The following ITGB3BP variants were observed in gnomAD, a reference collection of about 807,000 sequenced individuals.
ITGB3BP encodes centromere protein R.
A neutral mutation model predicts 29.1 loss-of-function variants in ITGB3BP; 27 were observed. That is an observed-to-expected ratio of 0.93 (90% CI 0.68 to 1.28). The LOEUF (loss-of-function observed/expected upper bound fraction) is 1.28, where lower values mean the gene tolerates loss of function less well. Among genes scored for constraint, ITGB3BP ranks in the 50% most tolerant of loss-of-function variants. ITGB3BP has a pLI of 0.00. For missense variants in ITGB3BP, 192 were observed against 200.2 expected (o/e 0.96, Z 0.25); for synonymous variants, 61 against 61.4 (o/e 0.99, Z 0.03).
At chr1:63,453,732 A>T (rs1570128845) in intron 7 of ITGB3BP, 186 bp downstream of exon 7, 1 of 467,450 alleles carries the variant, frequency 2.1e-6, no homozygotes, top group East Asian at 3.6e-5. Flanking sequence ...ATCAGATATC[A>T]TCTTCTGCTA....
At chr1:63,528,326 T>G (rs1388565426) in intron 2 of ITGB3BP, among the ~76,000 whole-genome samples, 1 of 152,088 alleles carries the variant, frequency 6.6e-6, no homozygotes, top group East Asian at 1.9e-4. Context: ...GAAATAAGCC[T>G]GGCACAGAAA....
intron 2 of ITGB3BP, among the ~76,000 whole-genome samples, chr1:63,504,788 G>A (rs968483432): frequency 6.6e-6 from 1 of 152,230 alleles, no homozygotes; most frequent in African/African-American, 2.4e-5. Flanking sequence ...TTTGTCGTTG[G>A]TTCTGTTTAT....
At chr1:63,475,645 G>A (rs1478157866) in intron 4 of ITGB3BP, among the ~76,000 whole-genome samples, 1 of 152,126 alleles carries the variant, frequency 6.6e-6, no homozygotes, top group Non-Finnish European at 1.5e-5. Context: ...TATTACTAAA[G>A]ATAAAAATGG....
intron 4 of ITGB3BP, among the ~76,000 whole-genome samples, chr1:63,473,569 A>T (rs537083632): frequency 0.17 from 9,448 of 55,002 alleles, 649 homozygotes; most frequent in Admixed American, 0.21. Context: ...GGGAGGGGGG[A>T]GGGGGGGTCA....
At chr1:63,500,550 ATACT>A (rs1157983706) in intron 2 of ITGB3BP, among the ~76,000 whole-genome samples, 6 of 152,210 alleles carry the variant, frequency 3.9e-5, no homozygotes, top group Non-Finnish European at 7.4e-5. Flanking sequence ...AAAGAATAAA[ATACT>A]TAGGAATAAA....
intron 3 of ITGB3BP, among the ~76,000 whole-genome samples, chr1:63,483,514 C>CT (rs1645475315): frequency 1.3e-5 from 2 of 151,840 alleles, no homozygotes; most frequent in African/African-American, 4.8e-5. Context: ...TGAGAACCAG[C>CT]TTTTGATTTG....
At chr1:63,491,067 G>C (rs919877699) in intron 2 of ITGB3BP, among the ~76,000 whole-genome samples, 5 of 152,140 alleles carry the variant, frequency 3.3e-5, no homozygotes, top group Non-Finnish European at 7.4e-5. Flanking sequence ...TTGGGCCTCA[G>C]ATCATTTTGT....
At chr1:63,516,724 A>G (rs548880871) in intron 1 of ITGB3BP, among the ~76,000 whole-genome samples, 29 of 151,456 alleles carry the variant, frequency 1.9e-4, no homozygotes, top group African/African-American at 6.3e-4. Flanking sequence ...AAAAAAAAAA[A>G]AAAGAAAAAA....
intron 4 of ITGB3BP, among the ~76,000 whole-genome samples, chr1:63,469,002 G>A (rs1326320090): frequency 6.6e-6 from 1 of 151,378 alleles, no homozygotes; most frequent in East Asian, 1.9e-4. Context: ...AGTGAACCAA[G>A]ATTGTGCCAG....
chr1:63,467,778 C>T (rs910538689), intron 4 of ITGB3BP, among the ~76,000 whole-genome samples: 4 of 152,148 alleles, frequency 2.6e-5, no homozygotes, highest in Admixed American at 6.5e-5. Flanking sequence ...TGTTGTTAAG[C>T]AATCTATAAT....
chr1:63,506,703 T>C (rs771951826), intron 2 of ITGB3BP, among the ~76,000 whole-genome samples: 1 of 152,120 alleles, frequency 6.6e-6, no homozygotes, highest in Non-Finnish European at 1.5e-5. Context: ...GATATGGCCA[T>C]TGCTTAGGAT....
chr1:63,466,691 T>C (rs9436677), intron 4 of ITGB3BP, among the ~76,000 whole-genome samples: 51,443 of 152,114 alleles, frequency 0.34, 8,909 homozygotes, highest in East Asian at 0.48. Context: ...CCATCACTTA[T>C]AGTCTTCAAA....
At chr1:63,473,892 C>T (rs1437685947) in intron 4 of ITGB3BP, among the ~76,000 whole-genome samples, 3 of 31,410 alleles carry the variant, frequency 9.6e-5, no homozygotes, top group African/African-American at 3.7e-4. Context: ...CCCCTCTGCC[C>T]GGCCAGCCAC....
chr1:63,444,971 AAC>A (rs1313261789), intron 8 of ITGB3BP, among the ~76,000 whole-genome samples: 1 of 152,188 alleles, frequency 6.6e-6, no homozygotes, highest in African/African-American at 2.4e-5. Flanking sequence ...AAGTGTTTAT[AAC>A]ACTGCTGGCA....
chr1:63,492,615 G>C (rs1319165658), intron 2 of ITGB3BP, among the ~76,000 whole-genome samples: 1 of 152,104 alleles, frequency 6.6e-6, no homozygotes, highest in East Asian at 1.9e-4. Context: ...AGAATACTGG[G>C]ATTTGAGAGA....
intron 1 of ITGB3BP, among the ~76,000 whole-genome samples, chr1:63,516,297 A>G (rs1444225884): frequency 2.2e-4 from 1 of 4,518 alleles, no homozygotes; most frequent in East Asian, 6.5e-3. Flanking sequence ...ACCATGTCTC[A>G]AAAAAAAAAA....
At chr1:63,464,294 G>A (rs1164127781) in intron 4 of ITGB3BP, among the ~76,000 whole-genome samples, 1 of 152,168 alleles carries the variant, frequency 6.6e-6, no homozygotes, top group East Asian at 1.9e-4. Context: ...ACAAAAAACT[G>A]CAAACAAATC....
At chr1:63,510,785 G>GCC (rs1646183203) in intron 1 of ITGB3BP, among the ~76,000 whole-genome samples, 1 of 152,052 alleles carries the variant, frequency 6.6e-6, no homozygotes, top group African/African-American at 2.4e-5. Context: ...GAAGGGAAGA[G>GCC]AAGAGCAAAC....
At chr1:63,472,896 C>A (rs1417409502) in intron 4 of ITGB3BP, among the ~76,000 whole-genome samples, 1 of 152,054 alleles carries the variant, frequency 6.6e-6, no homozygotes, top group Admixed American at 6.5e-5. Flanking sequence ...CCAGCCGCCA[C>A]CCCGTCTGGG....
Sources: allele counts gnomAD v4.1 joint callset (sites outside exome capture counted in the v4.1 genomes callset), GRCh38; gene constraint gnomAD v4.1.1; transcripts MANE v1.5; gene names NCBI Gene and HGNC (gene_info 2026-07-23, HGNC 2026-07-21).